Variants in ASTN2 observed in about 807,000 individuals in gnomAD.
ASTN2 encodes the protein astrotactin 2, also known as astrotactin-2.
ASTN2 carries 54 observed loss-of-function variants against 139.8 expected under a neutral mutation model. The ratio of observed to expected loss-of-function variants is 0.39; its 90% CI spans 0.31 to 0.48. The LOEUF is 0.48. ASTN2 is among the 20% of genes least tolerant of loss of function. The probability of loss-of-function intolerance (pLI) is 0.95; values close to 1 mark genes in which losing one functional copy is unlikely to be tolerated. For synonymous variants in ASTN2, 756 were observed against 719.5 expected, an observed-to-expected ratio of 1.05 and a Z score of -0.81; for missense variants, 1,565 against 1,725.1, an observed-to-expected ratio of 0.91 and a Z score of 1.64.
At chr9:117,314,855 C>A (rs183284821) in intron 1 of ASTN2, among the ~76,000 whole-genome samples, 2 of 143,880 alleles carry the variant, frequency 1.4e-5, no homozygotes, top group Non-Finnish European at 3.0e-5. Context: ...TATAAGTATA[C>A]GTAATATTAT....
chr9:116,793,079 A>G (rs1456326227), intron 13 of ASTN2, among the ~76,000 whole-genome samples: 1 of 152,156 alleles, frequency 6.6e-6, no homozygotes, highest in Non-Finnish European at 1.5e-5. Flanking sequence ...AAACCTGCAC[A>G]TGTACCCCCT....
chr9:117,066,568 G>C (rs1827950952), intron 5 of ASTN2, among the ~76,000 whole-genome samples: 1 of 150,324 alleles, frequency 6.7e-6, no homozygotes, highest in African/African-American at 2.4e-5. Flanking sequence ...GGTATTTCTA[G>C]TTCTAGATCC....
intron 4 of ASTN2, among the ~76,000 whole-genome samples, chr9:117,116,949 T>C (rs895447276): frequency 1.3e-5 from 2 of 151,728 alleles, no homozygotes; most frequent in Non-Finnish European, 2.9e-5. Flanking sequence ...TAAAGCTTTA[T>C]GCTTGGGAGA....
At chr9:117,027,657 G>C (rs1838126290) in intron 6 of ASTN2, among the ~76,000 whole-genome samples, 1 of 152,142 alleles carries the variant, frequency 6.6e-6, no homozygotes, top group Admixed American at 6.5e-5. Flanking sequence ...GCTCCTTGAA[G>C]CTTTACCCAG....
intron 1 of ASTN2, among the ~76,000 whole-genome samples, chr9:117,377,235 GGACT>G (rs1830147721): frequency 6.6e-6 from 1 of 151,932 alleles, no homozygotes; most frequent in Non-Finnish European, 1.5e-5. Context: ...CGATCCACTG[GGACT>G]GTTTCAGGAA....
intron 10 of ASTN2, among the ~76,000 whole-genome samples, chr9:116,921,451 G>T (rs536151113): frequency 6.6e-6 from 1 of 152,132 alleles, no homozygotes; most frequent in African/African-American, 2.4e-5. Context: ...AGCCAGGTGT[G>T]GTGGAGGTCG....
At chr9:116,686,744 C>CTA (rs1860238371) in intron 16 of ASTN2, 23 of 1,550,474 alleles carry the variant, frequency 1.5e-5, no homozygotes, top group Non-Finnish European at 2.0e-5. Flanking sequence ...CCCAAGTCTG[C>CTA]CTCTGCTGTC....
Position 116,477,127 on chromosome 9 carries a change from C to T in ASTN2, c.3497+10232G>A, listed in dbSNP as rs377705716. Among the ~76,000 whole-genome samples the T allele has an allele frequency of 5.7e-4, 86 of 152,056 alleles. No homozygotes were observed. The South Asian group carries it at 0.013, about 23-fold the overall frequency. On this transcript the variant is annotated intron_variant, in intron 20 of 22. Coordinates refer to ENST00000313400, the MANE Select transcript of ASTN2 (RefSeq NM_001365068.1). ...GTCCCATTCCTGGATGGAATCTTGACGCAGTGTGAGGAAAGAAACAGCCTG... is the reference window on the plus strand; with the variant it reads ...GTCCCATTCCTGGATGGAATCTTGATGCAGTGTGAGGAAAGAAACAGCCTG...
At chr9:116,904,021 CTCCCAGGGTTGAGAGTT>C (rs2132409002) in intron 10 of ASTN2, among the ~76,000 whole-genome samples, 1 of 152,336 alleles carries the variant, frequency 6.6e-6, no homozygotes, top group East Asian at 1.9e-4. Context: ...CTCCCCTAGT[CTCCCAGGGTTGAGAGTT>C]TCTGCTGTGC....
intron 1 of ASTN2, among the ~76,000 whole-genome samples, chr9:117,412,196 T>G (rs1490110042): frequency 6.6e-6 from 1 of 152,102 alleles, no homozygotes; most frequent in Non-Finnish European, 1.5e-5. Context: ...AAATCCCCGT[T>G]GAGAGCGCCT....
intron 17 of ASTN2, among the ~76,000 whole-genome samples, chr9:116,635,645 C>A (rs868858394): frequency 1.1e-4 from 16 of 152,164 alleles, no homozygotes; most frequent in Admixed American, 6.6e-4. Flanking sequence ...ACCTCAAGCA[C>A]CTGCTACGTT....
chr9:116,561,894 C>T (rs1852933083), intron 19 of ASTN2: 1 of 152,216 alleles, frequency 6.6e-6, no homozygotes, highest in African/African-American at 2.4e-5. Flanking sequence ...CCTCTCAATT[C>T]ACACAATTAG....
At position 116,670,865 on chromosome 9, in the gene ASTN2, T is replaced by C. The variant is rs193287313; in HGVS notation, c.2807-19072A>G. Among the ~76,000 whole-genome samples, 297 of 152,308 alleles carry C rather than the reference T, an allele frequency of 1.9e-3. 2 individuals are homozygous for C. Among genetic ancestry groups the C allele is most frequent in the Middle Eastern group, 6.8e-3 (2 of 294 alleles). On this transcript the variant is annotated intron_variant, in intron 16 of 22. Coordinates refer to ENST00000313400, the MANE Select transcript of ASTN2 (RefSeq NM_001365068.1). ...ATTTCTGACCTTTGACTATCCATACTAGTTCAAACCATTACAAATTGGATC... is the reference window on the plus strand; with the variant it reads ...ATTTCTGACCTTTGACTATCCATACCAGTTCAAACCATTACAAATTGGATC...
At chr9:116,724,034 G>C (rs190796698) in intron 16 of ASTN2, among the ~76,000 whole-genome samples, 120 of 152,316 alleles carry the variant, frequency 7.9e-4, no homozygotes, top group Admixed American at 1.8e-3. Flanking sequence ...TCTGGAATGA[G>C]AAAGTCAAGT....
chr9:116,487,881 C>A (rs1849390825), intron 19 of ASTN2, among the ~76,000 whole-genome samples: 1 of 151,008 alleles, frequency 6.6e-6, no homozygotes, highest in Admixed American at 6.6e-5. Flanking sequence ...GAGCAAAGCT[C>A]TTCTCTCTTA....
At chr9:116,993,639 A>G (rs544552001) in intron 7 of ASTN2, among the ~76,000 whole-genome samples, 1 of 148,532 alleles carries the variant, frequency 6.7e-6, no homozygotes, top group East Asian at 1.9e-4. Context: ...TAGTAATAAA[A>G]TATATAAATT....
intron 14 of ASTN2, among the ~76,000 whole-genome samples, 171 bp from the exon 15 acceptor site, chr9:116,729,267 A>G (rs1243692875): frequency 1.3e-5 from 2 of 152,026 alleles, no homozygotes; most frequent in Admixed American, 6.5e-5. Flanking sequence ...CTGGTCTCTA[A>G]TCTCAGCCCT....
At chr9:116,489,772 G>A (rs1355856987) in intron 19 of ASTN2, among the ~76,000 whole-genome samples, 2 of 152,360 alleles carry the variant, frequency 1.3e-5, no homozygotes, top group Non-Finnish European at 1.5e-5. Flanking sequence ...TGCTCCTTTA[G>A]TCCAATAGAG....
chr9:116,932,776 C>T lies in ASTN2; in HGVS notation c.1889+42432G>A, dbSNP rs138292793. On this transcript the variant is annotated intron_variant, in intron 10 of 22. Coordinates refer to ENST00000313400, the MANE Select transcript of ASTN2 (RefSeq NM_001365068.1). ...CTTCCAGCACTTTGAGAGGCCACGG[C>T]GGGTGGATCACTTGAGGTAAGGAGT... is the stretch of plus-strand genomic sequence containing the variant. 4.1e-4 allele frequency among the ~76,000 whole-genome samples: 63 copies of T among 152,068 alleles called. No homozygotes were observed. The East Asian group carries it at 6.0e-3, about 15-fold the overall frequency.
Sources: allele counts gnomAD v4.1 joint callset (sites outside exome capture counted in the v4.1 genomes callset), GRCh38; gene constraint gnomAD v4.1.1; transcripts MANE v1.5; gene names NCBI Gene and HGNC (gene_info 2026-07-23, HGNC 2026-07-21).